The following DOCK1 variants were observed in gnomAD, a reference collection of about 807,000 sequenced individuals.
The protein encoded by DOCK1 is dedicator of cytokinesis 1.
In DOCK1, 138 loss-of-function variants were observed where a neutral mutation model predicts 262.7. The observed-to-expected ratio is 0.53, with a 90% CI of 0.46 to 0.61. The LOEUF (loss-of-function observed/expected upper bound fraction) is 0.61. Among genes scored for constraint, DOCK1 ranks in the 20% least tolerant of loss-of-function variants. The pLI is 0.00. For synonymous variants in DOCK1, 866 were observed against 867.4 expected, an observed-to-expected ratio of 1.00 and a Z score of 0.03; for missense variants, 1,908 against 2,370.7, an observed-to-expected ratio of 0.80 and a Z score of 4.05.
At chr10:126,982,843 A>G (rs1404054152) in intron 4 of DOCK1, among the ~76,000 whole-genome samples, 1 of 152,258 alleles carries the variant, frequency 6.6e-6, no homozygotes, top group African/African-American at 2.4e-5. Context: ...AGAAAAAGAA[A>G]GTTGAGACTT....
chr10:127,219,780 C>T (rs1395523045), intron 27 of DOCK1, among the ~76,000 whole-genome samples: 4 of 152,170 alleles, frequency 2.6e-5, no homozygotes, highest in Non-Finnish European at 5.9e-5. Context: ...CATTGCCAAC[C>T]ATGACCCTGC....
At chr10:126,909,998 A>G (rs1391828303) in intron 1 of DOCK1, among the ~76,000 whole-genome samples, 1 of 152,246 alleles carries the variant, frequency 6.6e-6, no homozygotes, top group Non-Finnish European at 1.5e-5. Context: ...CCTTCACATT[A>G]GCTCTAAGCA....
intron 23 of DOCK1, among the ~76,000 whole-genome samples, chr10:127,069,239 A>G (rs1051001916): frequency 2.6e-5 from 4 of 152,108 alleles, no homozygotes; most frequent in Non-Finnish European, 5.9e-5. Context: ...TGCAGCTGCC[A>G]TGGTGGATGA....
intron 27 of DOCK1, among the ~76,000 whole-genome samples, chr10:127,182,633 TTA>T (rs1336256578): frequency 6.6e-6 from 1 of 152,184 alleles, no homozygotes; most frequent in Non-Finnish European, 1.5e-5. Context: ...AAATGAGACA[TTA>T]TGTCAATGTA....
In DOCK1 at chr10:127,403,142, C is replaced by T; in HGVS notation, c.4015C>T (p.Leu1339=). Residue 1339 remains leucine (L), a splice_region_variant and synonymous_variant, in exon 39 of 52, where the codon CTG becomes TTG. Transcript: ENST00000623213. The part of the protein sequence containing the change: ...MFDYEQLSEL[L]KKQAQFYENI... ...TGATTATGAGCAACTCAGCGAATTGCTGGTGAGTCTTTATTTCTTTTTATT... is the reference window on the plus strand; with the variant it reads ...TGATTATGAGCAACTCAGCGAATTGTTGGTGAGTCTTTATTTCTTTTTATT... 1 of 1,604,730 alleles carries T rather than the reference C, an allele frequency of 6.2e-7. No individual in the cohort carries two copies. The highest frequency in any genetic ancestry group is 8.5e-7 in the Non-Finnish European group (1 of 1,175,524).
chr10:126,927,679 C>A (rs990913091), intron 1 of DOCK1, among the ~76,000 whole-genome samples: 3 of 152,124 alleles, frequency 2.0e-5, no homozygotes, highest in Non-Finnish European at 4.4e-5. Context: ...TCAGGTGATC[C>A]GCCCACCTCG....
At chr10:127,184,761 A>T (rs1325586890) in intron 27 of DOCK1, among the ~76,000 whole-genome samples, 1 of 151,918 alleles carries the variant, frequency 6.6e-6, no homozygotes, top group Non-Finnish European at 1.5e-5. Flanking sequence ...CCACTGGTTC[A>T]TTTTCCAGGA....
intron 29 of DOCK1, among the ~76,000 whole-genome samples, chr10:127,276,145 C>G (rs1248859736): frequency 6.6e-6 from 1 of 152,166 alleles, no homozygotes; most frequent in African/African-American, 2.4e-5. Context: ...ATCCTCCAGT[C>G]TCTCAAAATA....
intron 29 of DOCK1, among the ~76,000 whole-genome samples, chr10:127,320,099 A>G (rs1395997852): frequency 2.6e-5 from 4 of 152,112 alleles, no homozygotes; most frequent in Admixed American, 1.3e-4. Context: ...ACAATAACTC[A>G]TTAGGTTTTT....
Position 127,037,661 on chromosome 10 carries a change from C to G in DOCK1, c.1913-58C>G, listed in dbSNP as rs1370631552. ...AGAACCTCACATAATGCATGATTAA[C>G]AGAGACAGAACAGAGTTTCTTGCTT... On this transcript the variant is annotated intron_variant, in intron 18 of 51. Coordinates refer to ENST00000623213, the MANE Select transcript of DOCK1 (RefSeq NM_001290223.2). 3 of 1,439,236 alleles carry G rather than the reference C, an allele frequency of 2.1e-6. No homozygotes were observed. The Admixed American group carries it at 6.8e-5, about 33-fold the overall frequency. The allele number at this position is 1,439,236 out of a possible 1,614,324, so 89.2% of individuals were successfully genotyped here. A position where few individuals can be genotyped will look rare whatever the true frequency, so the allele number is the denominator to read the frequency against.
intron 27 of DOCK1, among the ~76,000 whole-genome samples, chr10:127,219,758 C>G (rs998965149): frequency 1.3e-5 from 2 of 152,116 alleles, no homozygotes; most frequent in Non-Finnish European, 2.9e-5. Flanking sequence ...CTCTTCCCAA[C>G]ATACTTATTT....
intron 29 of DOCK1, among the ~76,000 whole-genome samples, chr10:127,277,630 G>A (rs1407366502): frequency 2.0e-5 from 3 of 152,048 alleles, no homozygotes; most frequent in African/African-American, 4.8e-5. Flanking sequence ...GGGTGTGGTG[G>A]CGGGCACCTG....
intron 33 of DOCK1, among the ~76,000 whole-genome samples, chr10:127,367,609 G>A (rs936572440): frequency 6.6e-6 from 1 of 152,214 alleles, no homozygotes; most frequent in Non-Finnish European, 1.5e-5. Context: ...AGCTGGGCCA[G>A]ACAGAAGCCT....
Position 127,406,945 on chromosome 10 carries a change from C to G in DOCK1, c.4123-2092C>G, listed in dbSNP as rs145185504. Among the ~76,000 whole-genome samples, 651 of 151,728 alleles carry G rather than the reference C, an allele frequency of 4.3e-3. 6 individuals carry two copies. Among genetic ancestry groups the G allele is most frequent in the African/African-American group, 0.014 (578 of 41,348 alleles). The stretch of plus-strand genomic sequence containing the variant: ...TAAATCTTACTGAATTTTGGAAGTG[C>G]GTGGCTTTATATAGAAGCCTTAGAA... On this transcript the variant is annotated intron_variant, in intron 40 of 51. Transcript: ENST00000623213.
chr10:126,985,803 T>C (rs1379402357), intron 4 of DOCK1, among the ~76,000 whole-genome samples: 1 of 152,160 alleles, frequency 6.6e-6, no homozygotes, highest in East Asian at 1.9e-4. Flanking sequence ...TTAATAGTCA[T>C]GTTCTTCAGT....
chr10:127,438,798 C>T (rs2069870171), intron 48 of DOCK1, among the ~76,000 whole-genome samples: 1 of 152,226 alleles, frequency 6.6e-6, no homozygotes, highest in African/African-American at 2.4e-5. Context: ...TCAGACTTCA[C>T]ATTTGCCCTA....
chr10:127,421,562 A>G (rs1425938386), intron 46 of DOCK1, among the ~76,000 whole-genome samples: 1 of 152,172 alleles, frequency 6.6e-6, no homozygotes, highest in Admixed American at 6.5e-5. Flanking sequence ...CACCGCCACC[A>G]TCCATCTCCA....
chr10:127,017,534 T>C (rs1261030834), intron 12 of DOCK1, among the ~76,000 whole-genome samples: 1 of 129,528 alleles, frequency 7.7e-6, no homozygotes, highest in Non-Finnish European at 1.6e-5. Context: ...CAGACACACA[T>C]GGACACACAG....
At chr10:127,146,961 G>A (rs181859548) in intron 27 of DOCK1, among the ~76,000 whole-genome samples, 5 of 152,238 alleles carry the variant, frequency 3.3e-5, no homozygotes, top group South Asian at 2.1e-4. Flanking sequence ...CAATACACTC[G>A]GAATCAGTGA....
Sources: allele counts gnomAD v4.1 joint callset (sites outside exome capture counted in the v4.1 genomes callset), GRCh38; gene constraint gnomAD v4.1.1; transcripts MANE v1.5; gene names NCBI Gene and HGNC (gene_info 2026-07-23, HGNC 2026-07-21).